Variants in DARS1 observed in about 807,000 individuals in gnomAD.
The protein encoded by DARS1 is aspartate--tRNA ligase, cytoplasmic.
DARS1 carries 51 observed loss-of-function variants against 68.8 expected under a neutral mutation model. That is an observed-to-expected ratio of 0.74 (90% CI 0.59 to 0.94). The LOEUF (loss-of-function observed/expected upper bound fraction) is 0.94. DARS1 is among the 40% of genes least tolerant of loss of function. The pLI, the probability that DARS1 is intolerant of heterozygous loss-of-function variation, is 0.00. For synonymous variants in DARS1, 203 were observed against 190.4 expected (o/e 1.07, Z -0.55); for missense variants, 607 against 597.3 (o/e 1.02, Z -0.17).
At position 135,983,421 on chromosome 2, in the gene DARS1, T is replaced by C. The variant is rs1558803978; in HGVS notation, c.100A>G (p.Met34Val). ...YAKERYGISSMIQSQEKPDRV... is the reference protein window; with the variant it reads ...YAKERYGISSVIQSQEKPDRV... The stretch of plus-strand genomic sequence containing the variant: ...CCTGGTTTTTCTTGTGATTGTATCA[T>C]TGAAGATATTCCATATCTCTCTTTA... The change falls in exon 2 of 16, where the codon ATG (methionine) becomes GTG (valine). Residue 34 changes from methionine (M) to valine (V), a missense_variant. Coordinates refer to ENST00000264161, the MANE Select transcript of DARS1 (RefSeq NM_001349.4). 8.1e-7 allele frequency: 1 copy of C among 1,236,776 alleles called. No individual in the cohort carries two copies. Among genetic ancestry groups the C allele is most frequent in the Admixed American group, 1.8e-5 (1 of 57,122 alleles). 76.6% of individuals were successfully genotyped at this position (1,236,776 alleles called of 1,614,324 possible).
At chr2:135,912,889 A>G (rs1464043871) in intron 12 of DARS1, among the ~76,000 whole-genome samples, 3 of 151,620 alleles carry the variant, frequency 2.0e-5, no homozygotes, top group Non-Finnish European at 2.9e-5. Flanking sequence ...GAGCCTGGCT[A>G]ATTTTTAAAA....
At chr2:135,944,609 G>A (rs1451368517) in intron 4 of DARS1, among the ~76,000 whole-genome samples, 2 of 151,942 alleles carry the variant, frequency 1.3e-5, no homozygotes, top group African/African-American at 4.8e-5. Context: ...CATATCTCTT[G>A]TACTCTCGTA....
At chr2:135,968,255 C>T in intron 3 of DARS1, among the ~76,000 whole-genome samples, 1 of 152,056 alleles carries the variant, frequency 6.6e-6, no homozygotes, top group Admixed American at 6.6e-5. Context: ...CAGAGCAAGA[C>T]TCTGTTTCAA....
At chr2:135,952,286 A>T (rs1029965647) in intron 4 of DARS1, among the ~76,000 whole-genome samples, 40 of 149,238 alleles carry the variant, frequency 2.7e-4, no homozygotes, top group African/African-American at 9.4e-4. Flanking sequence ...TTTTTTTTTT[A>T]AATTGACACA....
chr2:135,957,894 A>G (rs963788328), intron 4 of DARS1, among the ~76,000 whole-genome samples: 1 of 152,260 alleles, frequency 6.6e-6, no homozygotes, highest in African/African-American at 2.4e-5. Context: ...AAATAAAAAC[A>G]AAATTCAAAT....
Position 135,983,400 on chromosome 2 carries a change from G to A in DARS1, c.121C>T (p.Pro41Ser), listed in dbSNP as rs1374596221. 2 of 1,114,002 alleles carry A rather than the reference G, an allele frequency of 1.8e-6. No homozygotes were observed. The highest frequency in any genetic ancestry group is 3.0e-5 in the African/African-American group (2 of 65,632). The allele number at this position is 1,114,002 out of a possible 1,614,324, so 69.0% of individuals were successfully genotyped here. A position where few individuals can be genotyped will look rare whatever the true frequency, so the allele number is the denominator to read the frequency against. The change falls in exon 2 of 16, where the codon CCA becomes TCA. Residue 41 changes from proline (P) to serine (S), a missense_variant. Transcript: ENST00000264161. ...ISSMIQSQEK[P>S]DRVLVRVRDL... is the part of the protein sequence containing the mutation. ...TTACTGTCACATAGCTACTAACCTG[G>A]TTTTTCTTGTGATTGTATCATTGAA...
chr2:135,985,542 C>T lies in DARS1; in HGVS notation c.-74G>A, dbSNP rs1682764908. ...GTAAGGCAGGCCAAAGGGGCTTCTC[C>T]CTCCCTCCCAGTCTCCGCCCTCCCG... On this transcript the variant is annotated 5_prime_UTR_variant, in exon 1 of 16. Transcript: ENST00000264161. 2.5e-6 allele frequency: 4 copies of T among 1,609,334 alleles called. No homozygotes were observed. The highest frequency in any genetic ancestry group is 2.2e-5 in the East Asian group (1 of 44,740).
At chr2:135,953,624 T>G (rs1681897200) in intron 4 of DARS1, among the ~76,000 whole-genome samples, 1 of 152,196 alleles carries the variant, frequency 6.6e-6, no homozygotes, top group Non-Finnish European at 1.5e-5. Flanking sequence ...ATCAAAATTT[T>G]TCTTATTGAG....
At chr2:135,910,537 T>C (rs1680874168) in intron 15 of DARS1, among the ~76,000 whole-genome samples, 1 of 152,164 alleles carries the variant, frequency 6.6e-6, no homozygotes, top group African/African-American at 2.4e-5. Context: ...AATTTCAATC[T>C]TCTGCAAATG....
intron 10 of DARS1, among the ~76,000 whole-genome samples, chr2:135,917,073 AT>A (rs1681020946): frequency 6.6e-6 from 1 of 152,092 alleles, no homozygotes; most frequent in Non-Finnish European, 1.5e-5. Flanking sequence ...AGGCAGGAGA[AT>A]TGTTTGGGCC....
chr2:135,983,710 A>T (rs1682694340), intron 1 of DARS1, among the ~76,000 whole-genome samples: 1 of 152,208 alleles, frequency 6.6e-6, no homozygotes, highest in African/African-American at 2.4e-5. Flanking sequence ...CATACTTAAT[A>T]ACATTCTCAG....
At chr2:135,907,516 G>T in intron 15 of DARS1, 109 bp from the exon 16 acceptor site, 2 of 680,336 alleles carry the variant, frequency 2.9e-6, no homozygotes, top group Non-Finnish European at 4.7e-6. Flanking sequence ...TTCCTTGTTA[G>T]GAAAGAAAAT....
intron 5 of DARS1, among the ~76,000 whole-genome samples, chr2:135,935,322 C>A (rs10171602): frequency 6.6e-6 from 1 of 151,856 alleles, no homozygotes; most frequent in Non-Finnish European, 1.5e-5. Flanking sequence ...ATAGGCCAGG[C>A]GCGGTGGCTC....
chr2:135,927,519 A>C (rs1681245352), intron 7 of DARS1, among the ~76,000 whole-genome samples: 2 of 152,146 alleles, frequency 1.3e-5, no homozygotes, highest in East Asian at 3.8e-4. Flanking sequence ...TTAATGTTTA[A>C]ATCTAAAAAT....
At chr2:135,959,314 A>C (rs1229925413) in intron 4 of DARS1, among the ~76,000 whole-genome samples, 1 of 145,490 alleles carries the variant, frequency 6.9e-6, no homozygotes, top group African/African-American at 2.6e-5. Context: ...GAATTGCTTG[A>C]ACCGGGTAGG....
chr2:135,965,206 C>A (rs1006065915), intron 3 of DARS1, among the ~76,000 whole-genome samples: 2 of 151,730 alleles, frequency 1.3e-5, no homozygotes, highest in African/African-American at 4.8e-5. Flanking sequence ...AACTATATCA[C>A]GGAGGAAGGG....
At chr2:135,911,117 G>A (rs1558775414) in intron 15 of DARS1, 22 bp downstream of exon 15, 2 of 1,070,602 alleles carry the variant, frequency 1.9e-6, no homozygotes, top group Non-Finnish European at 2.9e-6. Flanking sequence ...GAACTTATTT[G>A]TAAGCAATAA....
intron 5 of DARS1, chr2:135,943,168 A>G: frequency 1.7e-6 from 1 of 603,722 alleles, no homozygotes; most frequent in South Asian, 2.8e-5. Flanking sequence ...AGTTGGGTGC[A>G]TCACAGAATT....
intron 7 of DARS1, among the ~76,000 whole-genome samples, chr2:135,932,030 T>C (rs1374058393): frequency 6.6e-6 from 1 of 152,182 alleles, no homozygotes; most frequent in Non-Finnish European, 1.5e-5. Flanking sequence ...GGATTACTGC[T>C]TGCTTTTCAT....
Sources: allele counts gnomAD v4.1 joint callset (sites outside exome capture counted in the v4.1 genomes callset), GRCh38; gene constraint gnomAD v4.1.1; transcripts MANE v1.5; gene names NCBI Gene and HGNC (gene_info 2026-07-23, HGNC 2026-07-21).